The following ALAS1 variants were observed in gnomAD, a reference collection of about 807,000 sequenced individuals.
ALAS1 encodes 5'-aminolevulinate synthase 1, also known as 5-aminolevulinate synthase, non-specific, mitochondrial.
ALAS1 carries 29 observed loss-of-function variants against 59.6 expected under a neutral mutation model. The ratio of observed to expected loss-of-function variants is 0.49; its 90% confidence interval spans 0.36 to 0.66. The LOEUF (loss-of-function observed/expected upper bound fraction) is 0.66, where lower values mean the gene tolerates loss of function less well. Among genes scored for constraint, ALAS1 ranks in the 30% least tolerant of loss-of-function variants. The probability of loss-of-function intolerance (pLI) is 0.00; values close to 1 mark genes in which losing one functional copy is unlikely to be tolerated. For synonymous variants in ALAS1, 299 were observed against 296.6 expected, an observed-to-expected ratio of 1.01 and a Z score of -0.08; for missense variants, 690 against 807.5, an observed-to-expected ratio of 0.85 and a Z score of 1.76.
Position 52,198,226 on chromosome 3 carries a change from T to TCGC in ALAS1, c.-231_-229dup. On this transcript the variant is annotated 5_prime_UTR_variant, in exon 1 of 12. Transcript: ENST00000484952. ...TTCTCGACTTGAGTGCCCGCCTCCT[T>TCGC]CGCCGCCGCCTCTGCAGTCCTCAGC... 1 of 398,956 alleles carries TCGC rather than the reference T, an allele frequency of 2.5e-6. No homozygotes were observed. The allele number at this position is 398,956 out of a possible 1,614,324, so 24.7% of individuals were successfully genotyped here.
At position 52,211,552 on chromosome 3, in the gene ALAS1, G is replaced by A. The variant is rs1699409991; in HGVS notation, c.1599+1G>A. The A allele has an allele frequency of 2.5e-6, 4 of 1,613,198 alleles. No homozygotes were observed. In the African/African-American group the frequency reaches 4.0e-5, roughly 16 times the overall value. On this transcript the variant is annotated splice_donor_variant, in intron 10 of 11. Transcript: ENST00000484952. LOFTEE classifies it high-confidence loss of function. Reference sequence around the variant, plus strand: ...CCCCAGCCACATCATCCCTGTGCGGGTAATGGCCTGTCTCTGATTGGACTT... The same window carrying A: ...CCCCAGCCACATCATCCCTGTGCGGATAATGGCCTGTCTCTGATTGGACTT...
At chr3:52,205,815 G>A (rs764123354) in intron 6 of ALAS1, 24 bp from the exon 7 acceptor site, 1 of 1,590,070 alleles carries the variant, frequency 6.3e-7, no homozygotes, top group Admixed American at 1.8e-5. Context: ...TTTATTTTCT[G>A]GTTTTGTTTG....
intron 2 of ALAS1, 48 bp from the exon 3 acceptor site, chr3:52,199,162 G>A (rs1479158664): frequency 6.3e-6 from 10 of 1,580,642 alleles, no homozygotes; most frequent in Non-Finnish European, 8.7e-6. Context: ...TGAGCTTGCA[G>A]TGATATTTGC....
At chr3:52,212,182 A>G in intron 10 of ALAS1, 76 bp from the exon 11 acceptor site, 2 of 1,361,876 alleles carry the variant, frequency 1.5e-6, no homozygotes, top group South Asian at 2.6e-5. Flanking sequence ...CGTTGTGGGG[A>G]CTGCGTTCGT....
intron 1 of ALAS1, 140 bp downstream of exon 1, chr3:52,198,395 C>T (rs1005986684): frequency 1.1e-5 from 5 of 437,140 alleles, no homozygotes; most frequent in African/African-American, 2.0e-5. Flanking sequence ...AGCGTTTATC[C>T]TCCAGATCTT....
Position 52,206,706 on chromosome 3 carries a change from T to A in ALAS1, c.1120T>A (p.Ser374Thr). The change falls in exon 8 of 12, where the codon TCA becomes ACA. Residue 374 changes from serine (S) to threonine (T), a missense_variant. Physicochemically the swap from Ser to Thr is moderately conservative, Grantham distance 58. Transcript: ENST00000484952. ...AGAACTGCTGCAAAGATCTGACCCCTCAGTCCCCAAGATTGTGGCATTTGA... is the reference window on the plus strand; with the variant it reads ...AGAACTGCTGCAAAGATCTGACCCCACAGTCCCCAAGATTGTGGCATTTGA... ...LRELLQRSDP[S>T]VPKIVAFETV... 1.2e-6 allele frequency: 2 copies of A among 1,614,212 alleles called. No individual in the cohort carries two copies. Among genetic ancestry groups the A allele is most frequent in the Non-Finnish European group, 1.7e-6 (2 of 1,180,036 alleles).
intron 9 of ALAS1, among the ~76,000 whole-genome samples, chr3:52,210,212 G>A (rs1169460269): frequency 1.3e-5 from 2 of 152,234 alleles, no homozygotes; most frequent in Non-Finnish European, 2.9e-5. Context: ...GCACTGCAGA[G>A]CCAGTCTTGT....
intron 8 of ALAS1, 120 bp from the exon 9 acceptor site, chr3:52,207,963 T>G: frequency 8.9e-7 from 1 of 1,127,058 alleles, no homozygotes; most frequent in Non-Finnish European, 1.2e-6. Context: ...GAAGTTCATT[T>G]TCTTTCCAAT....
At chr3:52,208,312 G>A (rs1009997957) in intron 9 of ALAS1, 65 bp downstream of exon 9, 150 of 1,568,520 alleles carry the variant, frequency 9.6e-5, no homozygotes, top group Non-Finnish European at 1.3e-4. Flanking sequence ...GGACTAACTA[G>A]TCTAACTGGG....
Position 52,204,047 on chromosome 3 carries a change from G to T in ALAS1, c.577+35G>T, listed in dbSNP as rs754877016. The T allele has an allele frequency of 4.4e-6, 7 of 1,573,980 alleles. No homozygotes were observed. The African/African-American group carries it at 6.8e-5, about 15-fold the overall frequency. On this transcript the variant is annotated intron_variant, in intron 5 of 11. Transcript: ENST00000484952. ...ATTGTTATTTGCCTGATGTAGAAAA[G>T]AATTTATAATTCAAATGTACATTAG... is the stretch of plus-strand genomic sequence containing the variant.
At chr3:52,199,511 A>C in intron 3 of ALAS1, 71 bp downstream of exon 3, 1 of 1,450,004 alleles carries the variant, frequency 6.9e-7, no homozygotes, top group South Asian at 1.2e-5. Flanking sequence ...AGCAGTCCCC[A>C]CAGTGGTGGT....
intron 9 of ALAS1, among the ~76,000 whole-genome samples, chr3:52,210,684 C>T (rs778907084): frequency 1.4e-4 from 22 of 151,886 alleles, no homozygotes; most frequent in Non-Finnish European, 3.1e-4. Context: ...GAGGCTGAGG[C>T]GGAAGGAATA....
Position 52,199,141 on chromosome 3 carries a change from C to T in ALAS1, c.-32-69C>T, listed in dbSNP as rs899379168. On this transcript the variant is annotated intron_variant, in intron 2 of 11. Coordinates refer to ENST00000484952, the MANE Select transcript of ALAS1 (RefSeq NM_000688.6). ...CCCTTTATATAAACTGCGGTTGACA[C>T]CTGAATCCAGTGAGCTTGCAGTGAT... The T allele has an allele frequency of 3.3e-6, 5 of 1,504,320 alleles. 1 individual carries two copies. The South Asian group carries it at 3.6e-5, about 11-fold the overall frequency. The allele number at this position is 1,504,320 out of a possible 1,614,324, so 93.2% of individuals were successfully genotyped here. A position where few individuals can be genotyped will look rare whatever the true frequency, so the allele number is the denominator to read the frequency against.
chr3:52,206,719 T>C lies in ALAS1; in HGVS notation c.1133T>C (p.Ile378Thr). The change falls in exon 8 of 12, where the codon ATT (isoleucine) becomes ACT (threonine). Residue 378 changes from isoleucine (I) to threonine (T), a missense_variant. Ile to Thr is a moderately conservative substitution (Grantham distance 89). Coordinates refer to ENST00000484952, the MANE Select transcript of ALAS1 (RefSeq NM_000688.6). ...LQRSDPSVPK[I>T]VAFETVHSMD... ...AGATCTGACCCCTCAGTCCCCAAGA[T>C]TGTGGCATTTGAAACTGTCCATTCA... The C allele has an allele frequency of 6.2e-7, 1 of 1,614,178 alleles. No homozygotes were observed. Among genetic ancestry groups the C allele is most frequent in the South Asian group, 1.1e-5 (1 of 91,082 alleles).
chr3:52,210,113 A>G (rs1319904066), intron 9 of ALAS1, among the ~76,000 whole-genome samples: 2 of 152,258 alleles, frequency 1.3e-5, no homozygotes, highest in African/African-American at 4.8e-5. Context: ...TAAGTAGGAA[A>G]TAACACCAGT....
chr3:52,200,672 G>T (rs1364037322), intron 3 of ALAS1, among the ~76,000 whole-genome samples: 1 of 152,164 alleles, frequency 6.6e-6, no homozygotes, highest in Non-Finnish European at 1.5e-5. Flanking sequence ...GGAGGTAGAG[G>T]TTGCAGTGAG....
chr3:52,208,413 A>G (rs1012339919), intron 9 of ALAS1, among the ~76,000 whole-genome samples, 166 bp downstream of exon 9: 2 of 152,340 alleles, frequency 1.3e-5, no homozygotes, highest in South Asian at 4.1e-4. Context: ...TCATGGAGGC[A>G]TGGCTCTTAG....
intron 3 of ALAS1, among the ~76,000 whole-genome samples, chr3:52,199,753 A>G (rs950550987): frequency 6.6e-6 from 1 of 152,190 alleles, no homozygotes; most frequent in African/African-American, 2.4e-5. Context: ...GGAATGTTCT[A>G]ATTTCCCTCA....
intron 2 of ALAS1, 120 bp from the exon 3 acceptor site, chr3:52,199,089 AG>A: frequency 5.5e-6 from 6 of 1,085,158 alleles, no homozygotes; most frequent in Non-Finnish European, 7.9e-6. Context: ...GGCATTTTTG[AG>A]GGAGAAGTGT....
Sources: gnomAD v4.1 joint callset for allele counts (sites outside exome capture counted in the v4.1 genomes callset) on GRCh38, gnomAD v4.1.1 for gene constraint, MANE v1.5 for transcripts, NCBI Gene and HGNC (gene_info 2026-07-23, HGNC 2026-07-21) for gene names.